The following MST1 variants were observed in gnomAD, a reference collection of about 807,000 sequenced individuals.
The protein encoded by MST1 is hepatocyte growth factor-like protein.
MST1 carries 76 observed loss-of-function variants against 100.1 expected under a neutral mutation model. The observed-to-expected ratio is 0.76, with a 90% confidence interval of 0.63 to 0.92. The LOEUF (loss-of-function observed/expected upper bound fraction) is 0.92. MST1 is among the 40% of genes least tolerant of loss of function. MST1 has a pLI of 0.00. For missense variants in MST1, 850 were observed against 990.0 expected (o/e 0.86, Z 1.90); for synonymous variants, 352 against 385.4 (o/e 0.91, Z 1.01).
rs201139383 is a variant in MST1 at position 49,687,801 on chromosome 3, A to C, written c.191T>G (p.Val64Gly). 2.1e-4 allele frequency: 338 copies of C among 1,613,524 alleles called. No homozygotes were observed. The highest frequency in any genetic ancestry group is 1.5e-3 in the Middle Eastern group (9 of 6,070). ...AVVPGPWQED[V>G]ADAEECAGRC... is the part of the protein sequence containing the mutation. ...ACCAGCACACTCTTCAGCATCTGCCACATCCTCCTGCCAAGGCCCGGGCAC... is the reference window on the plus strand; with the variant it reads ...ACCAGCACACTCTTCAGCATCTGCCCCATCCTCCTGCCAAGGCCCGGGCAC... The change falls in exon 2 of 18, where the codon GTG becomes GGG. Residue 64 changes from valine (V) to glycine (G), a missense_variant. This residue lies in a region of MST1 where 816 missense variants were observed against 924.6 expected (regional missense o/e 0.88). Transcript: ENST00000449682.
At chr3:49,688,141 G>A (rs1192743126) in intron 1 of MST1, 4 of 601,188 alleles carry the variant, frequency 6.7e-6, no homozygotes, top group African/African-American at 3.7e-5. Context: ...CCCAGGCACC[G>A]GGCTCAGATC....
In MST1 at chr3:49,685,905, C is replaced by A. The variant is rs764994205; in HGVS notation, c.1205G>T (p.Gly402Val). ...YRGTVSKTRKGVQCQRWSAET... is the reference protein window; with the variant it reads ...YRGTVSKTRKVVQCQRWSAET... ...AGCGGACCAGCGCTGGCACTGGACACCCTTGCGGGTCTTGCTGACCGTGCC... is the reference window on the plus strand; with the variant it reads ...AGCGGACCAGCGCTGGCACTGGACAACCTTGCGGGTCTTGCTGACCGTGCC... Residue 402 changes from glycine to valine, a missense_variant, in exon 10 of 18, where the codon GGT (glycine) becomes GTT (valine). Physicochemically the swap from Gly to Val is moderately radical, Grantham distance 109. Coordinates refer to ENST00000449682, the MANE Select transcript of MST1 (RefSeq NM_020998.4). 6.2e-7 allele frequency: 1 copy of A among 1,609,292 alleles called. No homozygotes were observed. Among genetic ancestry groups the A allele is most frequent in the Non-Finnish European group, 8.5e-7 (1 of 1,179,196 alleles).
At position 49,684,564 on chromosome 3, in the gene MST1, C is replaced by T. The variant is rs565746554; in HGVS notation, c.1862G>A (p.Trp621Ter). Residue 621 changes from tryptophan to a stop codon, truncating the protein, a stop_gained, in exon 16 of 18, where the codon TGG (tryptophan) becomes TAG (stop). Coordinates refer to ENST00000449682, the MANE Select transcript of MST1 (RefSeq NM_020998.4). LOFTEE classifies it high-confidence loss of function. ...PPGTKCEIAG[W>*]GETKGTGNDT... ...TGTGCTCTTACCTTTGGTCTCACCC[C>T]AGCCTGCAATCTCACACTTGGTCCC... is the stretch of plus-strand genomic sequence containing the variant. 1.2e-6 allele frequency: 2 copies of T among 1,613,686 alleles called. No homozygotes were observed. Among genetic ancestry groups the T allele is most frequent in the East Asian group, 2.2e-5 (1 of 44,900 alleles).
Position 49,685,373 on chromosome 3 carries a change from T to C in MST1, c.1433A>G (p.Gln478Arg), listed in dbSNP as rs1262818517. 8 of 1,613,680 alleles carry C rather than the reference T, an allele frequency of 5.0e-6. No individual in the cohort carries two copies. The South Asian group carries it at 8.8e-5, about 18-fold the overall frequency. Residue 478 changes from glutamine (Q) to arginine (R), a missense_variant, in exon 13 of 18, where the codon CAG becomes CGG. Gln to Arg is a conservative substitution (Grantham distance 43). This residue lies in a region of MST1 where 816 missense variants were observed against 924.6 expected (regional missense o/e 0.88). Coordinates refer to ENST00000449682, the MANE Select transcript of MST1 (RefSeq NM_020998.4). ...PSILDPPDQV[Q>R]FEKCGKRVDR... ...CACCCTCTTGCCACACTTCTCAAACTGCACCTGGTCTGTAGGATGGGGTGG... is the reference window on the plus strand; with the variant it reads ...CACCCTCTTGCCACACTTCTCAAACCGCACCTGGTCTGTAGGATGGGGTGG...
At position 49,686,691 on chromosome 3, in the gene MST1, G is replaced by C. The variant is rs746936718; in HGVS notation, c.840C>G (p.Pro280=). The change falls in exon 7 of 18, where the codon CCC becomes CCG. Residue 280 remains proline (P), a synonymous_variant. Transcript: ENST00000449682. ...PQIEREFCDL[P]RCGSEAQPRQ... ...CTGGTCCCCGCCGCCTACCGCAGCG[G>C]GGGAGGTCACAGAACTCTCGCTCGA... The C allele has an allele frequency of 6.4e-7, 1 of 1,565,590 alleles. No homozygotes were observed. The highest frequency in any genetic ancestry group is 1.2e-5 in the South Asian group (1 of 86,220).
In MST1 at chr3:49,685,322, T is replaced by C. The variant is rs1459748097; in HGVS notation, c.1484A>G (p.Lys495Arg). 5 of 1,613,336 alleles carry C rather than the reference T, an allele frequency of 3.1e-6. No individual in the cohort carries two copies. The highest frequency in any genetic ancestry group is 4.2e-6 in the Non-Finnish European group (5 of 1,179,856). Residue 495 changes from lysine to arginine, a missense_variant, in exon 13 of 18, where the codon AAG becomes AGG. By Grantham distance (26) the Lys-to-Arg change is conservative (BLOSUM62 2). Around this residue, in one of 2 missense-constraint regions of MST1, gnomAD observed 816 missense variants for 924.6 expected, o/e 0.88. Coordinates refer to ENST00000449682, the MANE Select transcript of MST1 (RefSeq NM_020998.4). ...RVDRLDQRRS[K>R]LRVVGGHPGN... is the part of the protein sequence containing the mutation. ...CGGATGGCCCCCAACCACGCGCAGC[T>C]TGGAACGCCGCTGATCCAGCCGATC... is the stretch of plus-strand genomic sequence containing the variant.
rs781417789 is a variant in MST1 at position 49,686,117 on chromosome 3, C to T, written c.1092G>A (p.Met364Ile). ...GGATCTGGTAGCAAAAGGCCGCGCG[C>T]ATGCCGGGCCGCAGTGTGAAGCACC... is the stretch of plus-strand genomic sequence containing the variant. Reference protein sequence around the residue: ...APWCFTLRPGMRAAFCYQIRR... With the variant: ...APWCFTLRPGIRAAFCYQIRR... Residue 364 changes from methionine (M) to isoleucine (I), a missense_variant, in exon 9 of 18, where the codon ATG becomes ATA. Met to Ile is a conservative substitution (Grantham distance 10). Transcript: ENST00000449682. The T allele has an allele frequency of 9.7e-5, 157 of 1,610,964 alleles. No homozygotes were observed. The South Asian group carries it at 1.2e-3, about 12-fold the overall frequency.
intron 16 of MST1, 31 bp downstream of exon 16, chr3:49,684,519 C>T (rs2053521781): frequency 6.2e-7 from 1 of 1,613,554 alleles, no homozygotes; most frequent in Non-Finnish European, 8.5e-7. Flanking sequence ...GGCCTCCTGG[C>T]CACCAGCAGT....
At position 49,687,543 on chromosome 3, in the gene MST1, C is replaced by T. The variant is rs2053880807; in HGVS notation, c.355+13G>A. The T allele has an allele frequency of 6.2e-7, 1 of 1,613,358 alleles. No individual in the cohort carries two copies. Among genetic ancestry groups the T allele is most frequent in the Non-Finnish European group, 8.5e-7 (1 of 1,179,878 alleles). On this transcript the variant is annotated intron_variant, in intron 3 of 17. Transcript: ENST00000449682. ...CCCTGTCTCCCACCCTGCCCCTCTC[C>T]ACCCCCACTTGCCTTTCTTCTGGAA... is the stretch of plus-strand genomic sequence containing the variant.
At chr3:49,686,021 G>T (rs2053701459) in intron 9 of MST1, 41 bp downstream of exon 9, 2 of 1,604,796 alleles carry the variant, frequency 1.2e-6, no homozygotes, top group Admixed American at 3.4e-5. Context: ...CCGGTTCCAG[G>T]CTTCCAGCCC....
At chr3:49,685,186 C>G in intron 13 of MST1, 76 bp downstream of exon 13, 1 of 1,602,504 alleles carries the variant, frequency 6.2e-7, no homozygotes, top group Non-Finnish European at 8.5e-7. Flanking sequence ...GGGATAGATT[C>G]CCAGCCCCCA....
rs778845241 is a variant in MST1 at position 49,684,561 on chromosome 3, C to A, written c.1865G>T (p.Gly622Val). 6.2e-7 allele frequency: 1 copy of A among 1,613,776 alleles called. No individual in the cohort carries two copies. The highest frequency in any genetic ancestry group is 8.5e-7 in the Non-Finnish European group (1 of 1,179,870). The change falls in exon 16 of 18, where the codon GGT becomes GTT. Residue 622 changes from glycine to valine, a missense_variant. Physicochemically the swap from Gly to Val is moderately radical, Grantham distance 109 (BLOSUM62 -3). Around this residue, in one of 2 missense-constraint regions of MST1, gnomAD observed 816 missense variants for 924.6 expected, o/e 0.88. Coordinates refer to ENST00000449682, the MANE Select transcript of MST1 (RefSeq NM_020998.4). Reference protein sequence around the residue: ...PGTKCEIAGWGETKGTGNDTV... With the variant: ...PGTKCEIAGWVETKGTGNDTV... ...CACTGTGCTCTTACCTTTGGTCTCA[C>A]CCCAGCCTGCAATCTCACACTTGGT...
In MST1 at chr3:49,684,333, G is replaced by A. The variant is rs572214141; in HGVS notation, c.1997C>T (p.Ala666Val). 1.8e-5 allele frequency: 29 copies of A among 1,613,118 alleles called. No individual in the cohort carries two copies. The African/African-American group carries it at 3.1e-4, about 17-fold the overall frequency. Residue 666 changes from alanine to valine, a missense_variant, in exon 17 of 18, where the codon GCC becomes GTC. Physicochemically the swap from Ala to Val is moderately conservative, Grantham distance 64. Coordinates refer to ENST00000449682, the MANE Select transcript of MST1 (RefSeq NM_020998.4). ...ACCAACCTCACAGGCCCCCACAGGG[G>A]CCAACAGTCCCTCAGTGCACATCTC... Reference protein sequence around the residue: ...ESEMCTEGLLAPVGACEGDYG... With the variant: ...ESEMCTEGLLVPVGACEGDYG...
chr3:49,688,844 C>G lies in MST1; in HGVS notation c.-153G>C. The G allele has an allele frequency of 1.7e-6, 1 of 591,372 alleles. No homozygotes were observed. The highest frequency in any genetic ancestry group is 3.2e-5 in the Admixed American group (1 of 30,970). 36.6% of individuals were successfully genotyped at this position (591,372 alleles called of 1,614,324 possible). ...ATAGGTCAGTTGCAAGGGCCTAGTA[C>G]AGCTTAGTGGACAGGTGTTAGGAAG... On this transcript the variant is annotated 5_prime_UTR_variant, in exon 1 of 18. Transcript: ENST00000449682.
Position 49,687,738 on chromosome 3 carries a change from G to A in MST1, c.242+12C>T. On this transcript the variant is annotated intron_variant, in intron 2 of 17. Coordinates refer to ENST00000449682, the MANE Select transcript of MST1 (RefSeq NM_020998.4). ...CTGCCCCCAGTCTTATCTAGGCCCAGTGGCCACTCACCGGCAGTCCATTAA... is the reference window on the plus strand; with the variant it reads ...CTGCCCCCAGTCTTATCTAGGCCCAATGGCCACTCACCGGCAGTCCATTAA... 4.3e-6 allele frequency: 7 copies of A among 1,613,544 alleles called. No homozygotes were observed. Among genetic ancestry groups the A allele is most frequent in the Non-Finnish European group, 5.1e-6 (6 of 1,179,872 alleles).
chr3:49,685,499 G>A lies in MST1; in HGVS notation c.1395C>T (p.Asp465=). The A allele has an allele frequency of 6.2e-7, 1 of 1,613,594 alleles. No homozygotes were observed. Among genetic ancestry groups the A allele is most frequent in the Non-Finnish European group, 8.5e-7 (1 of 1,179,860 alleles). Residue 465 remains aspartate, a synonymous_variant, in exon 12 of 18, where the codon GAC becomes GAT. Transcript: ENST00000449682. ...DYCALRRCAD[D]QPPSILDPPD... ...GGGGGTCCAGGATTGATGGCGGCTG[G>A]TCATCAGCTGAAAGACAAAGTTCAC... is the stretch of plus-strand genomic sequence containing the variant.
In MST1 at chr3:49,687,669, C is replaced by G. The variant is rs761096344; in HGVS notation, c.243-1G>C. The G allele has an allele frequency of 9.3e-6, 15 of 1,613,308 alleles. No individual in the cohort carries two copies. Among genetic ancestry groups the G allele is most frequent in the Non-Finnish European group, 1.2e-5 (14 of 1,179,872 alleles). The stretch of plus-strand genomic sequence containing the variant: ...GCTGCTCACGTTGTAGTGGAAGGCC[C>G]TGGAGAGAAGAAGGCACAGGGTAAC... On this transcript the variant is annotated splice_acceptor_variant, in intron 2 of 17. Coordinates refer to ENST00000449682, the MANE Select transcript of MST1 (RefSeq NM_020998.4). LOFTEE classifies it high-confidence loss of function.
intron 15 of MST1, 25 bp downstream of exon 15, chr3:49,684,713 A>C: frequency 6.2e-7 from 1 of 1,613,036 alleles, no homozygotes; most frequent in Non-Finnish European, 8.5e-7. Context: ...GCCCCACCTC[A>C]CACCCTCCCA....
At chr3:49,687,327 G>A (rs1162604414) in intron 4 of MST1, 37 bp downstream of exon 4, 1 of 1,613,348 alleles carries the variant, frequency 6.2e-7, no homozygotes, top group African/African-American at 1.3e-5. Context: ...CTGGGGGAAG[G>A]CCCCAGGCCG....
Sources: allele counts gnomAD v4.1 joint callset, GRCh38; gene constraint gnomAD v4.1.1; regional missense constraint gnomAD v4.1.1; transcripts MANE v1.5; gene names NCBI Gene and HGNC (gene_info 2026-07-23, HGNC 2026-07-21).